ZNF264: variants seen among roughly 807,000 people sequenced by gnomAD.
The protein encoded by ZNF264 is zinc finger protein 264.
A neutral mutation model predicts 11.2 loss-of-function variants in ZNF264; 11 were observed. That is an observed-to-expected ratio of 0.98 (90% CI 0.62 to 1.63). The LOEUF is 1.63. Among genes scored for constraint, ZNF264 ranks in the 40% most tolerant of loss-of-function variants. ZNF264 has a pLI of 0.00. For missense variants in ZNF264, 752 were observed against 768.1 expected (o/e 0.98, Z 0.25); for synonymous variants, 309 against 279.8 (o/e 1.10, Z -1.04).
At chr19:57,202,116 G>A (rs1197523156) in intron 2 of ZNF264, among the ~76,000 whole-genome samples, 1 of 151,806 alleles carries the variant, frequency 6.6e-6, no homozygotes, top group Non-Finnish European at 1.5e-5. Flanking sequence ...GGCTGAGATA[G>A]GGAAGATTGC....
At chr19:57,198,160 C>T (rs964554945) in intron 2 of ZNF264, among the ~76,000 whole-genome samples, 1 of 151,984 alleles carries the variant, frequency 6.6e-6, no homozygotes, top group Non-Finnish European at 1.5e-5. Context: ...GCCAAGTCAG[C>T]GGCTGCATAC....
chr19:57,194,059 CT>C (rs1445155884), intron 2 of ZNF264, 58 bp downstream of exon 2: 30 of 1,551,636 alleles, frequency 1.9e-5, no homozygotes, highest in Non-Finnish European at 2.6e-5. Flanking sequence ...TTCATTCCAT[CT>C]TCTGACTCCA....
intron 2 of ZNF264, among the ~76,000 whole-genome samples, chr19:57,198,022 T>C (rs1027099328): frequency 6.6e-6 from 1 of 151,976 alleles, no homozygotes; most frequent in African/African-American, 2.4e-5. Context: ...TGAATAAGAT[T>C]ACGACACAAA....
chr19:57,221,872 G>C lies in ZNF264; in HGVS notation c.*8891G>C, dbSNP rs1408660430. 2.0e-5 allele frequency: 3 copies of C among 152,136 alleles called. No homozygotes were observed. Among genetic ancestry groups the C allele is most frequent in the Non-Finnish European group, 4.4e-5 (3 of 68,032 alleles). 9.4% of individuals were successfully genotyped at this position (152,136 alleles called of 1,614,324 possible). A position where few individuals can be genotyped will look rare whatever the true frequency, so the allele number is the denominator to read the frequency against. On this transcript the variant is annotated 3_prime_UTR_variant, in exon 4 of 4. Coordinates refer to ENST00000263095, the MANE Select transcript of ZNF264 (RefSeq NM_003417.5). ...CAGTAGTAAGCCTCCCAAAATCTAA[G>C]GTCCCACACTCCAGCAAGGGTGAAC...
chr19:57,222,261 C>G lies in ZNF264; in HGVS notation c.*9280C>G, dbSNP rs557216545. The stretch of plus-strand genomic sequence containing the variant: ...ACTTGGGAGGCTGAGGCAGGAAAAT[C>G]GCTTGAACCTGGGAGGCAGAGGTTG... On this transcript the variant is annotated 3_prime_UTR_variant, in exon 4 of 4. Transcript: ENST00000263095. The G allele has an allele frequency of 1.7e-3, 251 of 148,020 alleles. 1 individual carries two copies. The highest frequency in any genetic ancestry group is 2.5e-3 in the Non-Finnish European group (167 of 67,600). 9.2% of individuals were successfully genotyped at this position (148,020 alleles called of 1,614,324 possible).
Position 57,211,837 on chromosome 19 carries a change from T to C in ZNF264, c.740T>C (p.Leu247Pro). The C allele has an allele frequency of 1.9e-6, 3 of 1,614,146 alleles. No individual in the cohort carries two copies. In the South Asian group the frequency reaches 3.3e-5, roughly 18 times the overall value. The change falls in exon 4 of 4, where the codon CTG (leucine) becomes CCG (proline). Residue 247 changes from leucine to proline, a missense_variant. Coordinates refer to ENST00000263095, the MANE Select transcript of ZNF264 (RefSeq NM_003417.5). ...ACCTTTATTAAGAGCACACATCTCCTGCAACATCACATGATCCACACTGGG... is the reference window on the plus strand; with the variant it reads ...ACCTTTATTAAGAGCACACATCTCCCGCAACATCACATGATCCACACTGGG... ...GKTFIKSTHLLQHHMIHTGER... is the reference protein window; with the variant it reads ...GKTFIKSTHLPQHHMIHTGER...
rs565547528 is a variant in ZNF264, at chr19:57,195,630, G to A, written c.160+1629G>A. On this transcript the variant is annotated intron_variant, in intron 2 of 3. Transcript: ENST00000263095. The stretch of plus-strand genomic sequence containing the variant: ...ACAGGGCATGGTAATACTAAGAGAT[G>A]CCCTAATGGATCTTCTGTATTCCAT... 2.6e-5 allele frequency among the ~76,000 whole-genome samples: 4 copies of A among 151,906 alleles called. No homozygotes were observed. In the South Asian group the frequency reaches 8.3e-4, roughly 32 times the overall value.
intron 2 of ZNF264, among the ~76,000 whole-genome samples, chr19:57,197,843 G>T (rs2087223340): frequency 6.6e-6 from 1 of 151,888 alleles, no homozygotes. Flanking sequence ...GAGGTAGAAG[G>T]TCCCTAAATT....
chr19:57,204,920 G>A (rs766486489), intron 2 of ZNF264, among the ~76,000 whole-genome samples: 19 of 152,258 alleles, frequency 1.2e-4, no homozygotes, highest in South Asian at 4.1e-4. Context: ...CACCAGTTCT[G>A]TGCTCTTCAG....
intron 3 of ZNF264, among the ~76,000 whole-genome samples, chr19:57,210,339 C>T (rs572965338): frequency 3.9e-5 from 6 of 152,322 alleles, no homozygotes; most frequent in South Asian, 2.1e-4. Context: ...TCTTCCGACA[C>T]GGACTACAGG....
At position 57,217,783 on chromosome 19, in the gene ZNF264, C is replaced by CGTTTTTTTTTTTTTTTTT. The variant is rs200211709; in HGVS notation, c.*4802_*4803insGTTTTTTTTTTTTTTTTT. ...CGTCATGAGAAACATTGTCTCTTGA[C>CGTTTTTTTTTTTTTTTTT]CTTTTTTTTTTTTTTTTTTTTTTAA... On this transcript the variant is annotated 3_prime_UTR_variant, in exon 4 of 4. Transcript: ENST00000263095. The CGTTTTTTTTTTTTTTTTT allele has an allele frequency of 8.6e-6, 1 of 115,772 alleles. No homozygotes were observed. Among genetic ancestry groups the CGTTTTTTTTTTTTTTTTT allele is most frequent in the African/African-American group, 3.8e-5 (1 of 26,212 alleles). 7.2% of individuals were successfully genotyped at this position (115,772 alleles called of 1,614,324 possible).
chr19:57,197,682 A>G (rs1310537997), intron 2 of ZNF264, among the ~76,000 whole-genome samples: 1 of 151,934 alleles, frequency 6.6e-6, no homozygotes, highest in Non-Finnish European at 1.5e-5. Flanking sequence ...TACCCAAATG[A>G]GGAATGTGTT....
chr19:57,207,787 C>T (rs547771918), intron 3 of ZNF264, among the ~76,000 whole-genome samples: 7 of 151,710 alleles, frequency 4.6e-5, no homozygotes, highest in African/African-American at 9.7e-5. Flanking sequence ...AGTACAATGG[C>T]GCAATCTCGG....
Position 57,212,906 on chromosome 19 carries a change from T to C in ZNF264, c.1809T>C (p.Ile603=). The part of the protein sequence containing the change: ...DFLNVTTEAN[I]LPEETSSSAS... ...TGAATGTAACCACTGAGGCAAATAT[T>C]TTGCCAGAGGAAACATCTTCCTCTG... The change falls in exon 4 of 4, where the codon ATT becomes ATC. Residue 603 remains isoleucine, a synonymous_variant. Coordinates refer to ENST00000263095, the MANE Select transcript of ZNF264 (RefSeq NM_003417.5). 6.2e-7 allele frequency: 1 copy of C among 1,614,100 alleles called. No homozygotes were observed. Among genetic ancestry groups the C allele is most frequent in the Non-Finnish European group, 8.5e-7 (1 of 1,179,974 alleles).
At chr19:57,209,847 C>G (rs753069259) in intron 3 of ZNF264, among the ~76,000 whole-genome samples, 1 of 152,044 alleles carries the variant, frequency 6.6e-6, no homozygotes, top group Non-Finnish European at 1.5e-5. Flanking sequence ...ATCTGCTCAC[C>G]TCGGCCTCCC....
intron 1 of ZNF264, chr19:57,192,218 T>G: frequency 1.9e-6 from 1 of 533,952 alleles, no homozygotes. Flanking sequence ...CCAGGTCTCA[T>G]TCCAGCATGA....
rs890060280 is a variant in ZNF264, at chr19:57,192,456, C to T, written c.33+510C>T. On this transcript the variant is annotated intron_variant, in intron 1 of 3. Coordinates refer to ENST00000263095, the MANE Select transcript of ZNF264 (RefSeq NM_003417.5). Reference sequence around the variant, plus strand: ...CATTGTGGCCAGTCAGATGCCCTTACTCTCATCGCTACAGCCTGCATTATC... The same window carrying T: ...CATTGTGGCCAGTCAGATGCCCTTATTCTCATCGCTACAGCCTGCATTATC... 4.1e-6 allele frequency: 4 copies of T among 985,270 alleles called. No individual in the cohort carries two copies. The African/African-American group carries it at 5.2e-5, about 13-fold the overall frequency. 61.0% of individuals were successfully genotyped at this position (985,270 alleles called of 1,614,324 possible).
chr19:57,211,272 G>C, intron 3 of ZNF264, 82 bp from the exon 4 acceptor site: 1 of 1,331,542 alleles, frequency 7.5e-7, no homozygotes, highest in Non-Finnish European at 1.0e-6. Flanking sequence ...TTTTATCTAT[G>C]GTTTTTCACA....
chr19:57,209,461 T>C (rs1241323333), intron 3 of ZNF264, among the ~76,000 whole-genome samples: 2 of 152,252 alleles, frequency 1.3e-5, no homozygotes, highest in Non-Finnish European at 2.9e-5. Flanking sequence ...ATTGAATTTA[T>C]ATAATTTGGG....
Sources: allele counts gnomAD v4.1 joint callset (sites outside exome capture counted in the v4.1 genomes callset), GRCh38; gene constraint gnomAD v4.1.1; transcripts MANE v1.5; gene names NCBI Gene and HGNC (gene_info 2026-07-23, HGNC 2026-07-21).